The following LEMD1 variants were observed in gnomAD, a reference collection of about 807,000 sequenced individuals.
The protein encoded by LEMD1 is LEM domain containing 1, also known as LEM domain-containing protein 1.
LEMD1 carries 18 observed loss-of-function variants against 17.4 expected under a neutral mutation model. That is an observed-to-expected ratio of 1.04 (90% CI 0.72 to 1.54). LEMD1 has a LOEUF of 1.54. LEMD1 is among the 40% of genes most tolerant of loss of function. The pLI, the probability that LEMD1 is intolerant of heterozygous loss-of-function variation, is 0.00. For missense variants in LEMD1, 195 were observed against 210.4 expected, an observed-to-expected ratio of 0.93 and a Z score of 0.45; for synonymous variants, 88 against 77.8, an observed-to-expected ratio of 1.13 and a Z score of -0.69.
chr1:205,404,111 T>A (rs1350434685), intron 4 of LEMD1, among the ~76,000 whole-genome samples: 1 of 152,186 alleles, frequency 6.6e-6, no homozygotes, highest in African/African-American at 2.4e-5. Context: ...TGAGGAGAGC[T>A]TTACTTCCAG....
At chr1:205,417,832 T>TAAA (rs35330399) in intron 3 of LEMD1, among the ~76,000 whole-genome samples, 1 of 144,016 alleles carries the variant, frequency 6.9e-6, no homozygotes, top group Non-Finnish European at 1.5e-5. Flanking sequence ...TCAGACATGG[T>TAAA]AAAAAAAAAA....
intron 4 of LEMD1, among the ~76,000 whole-genome samples, chr1:205,390,810 T>C (rs1277576280): frequency 6.6e-6 from 1 of 152,142 alleles, no homozygotes; most frequent in Non-Finnish European, 1.5e-5. Flanking sequence ...AATTATGCAA[T>C]CTTACTGAAG....
At chr1:205,443,378 G>A (rs1006372250) in intron 1 of LEMD1, among the ~76,000 whole-genome samples, 3 of 113,618 alleles carry the variant, frequency 2.6e-5, no homozygotes, top group Admixed American at 1.0e-4. Context: ...TAAATGACCC[G>A]TTCCTCCCCA....
At chr1:205,410,938 AGGAAG>A (rs1032429434) in intron 4 of LEMD1, among the ~76,000 whole-genome samples, 2 of 150,820 alleles carry the variant, frequency 1.3e-5, no homozygotes, top group Admixed American at 6.6e-5. Context: ...AGAGAAAGAA[AGGAAG>A]GGAAAGGAAG....
At position 205,414,400 on chromosome 1, in the gene LEMD1, G is replaced by A. The variant is rs537526864; in HGVS notation, c.270+1832C>T. 2.1e-3 allele frequency among the ~76,000 whole-genome samples: 314 copies of A among 150,484 alleles called. 4 individuals are homozygous for A. Among genetic ancestry groups the A allele is most frequent in the East Asian group, 7.3e-3 (37 of 5,040 alleles). On this transcript the variant is annotated intron_variant, in intron 4 of 5. Transcript: ENST00000367153. The stretch of plus-strand genomic sequence containing the variant: ...GAGTTCGAGACCAGCCTGGGCGACA[G>A]CGTGAGACCCCTGTCTCTACAAAAA...
chr1:205,388,290 C>T (rs1664141916), intron 4 of LEMD1, among the ~76,000 whole-genome samples: 1 of 152,072 alleles, frequency 6.6e-6, no homozygotes, highest in Admixed American at 6.6e-5. Context: ...CGCCGCCTCC[C>T]AGGTTCAAGT....
chr1:205,434,504 C>A (rs1268099702), intron 1 of LEMD1, among the ~76,000 whole-genome samples: 1 of 152,028 alleles, frequency 6.6e-6, no homozygotes, highest in Admixed American at 6.6e-5. Context: ...TTAAAAGCAC[C>A]TTTAAGACTA....
rs541744258 is a variant in LEMD1 at position 205,447,720 on chromosome 1, G to A, written c.-39+2148C>T. On this transcript the variant is annotated intron_variant, in intron 1 of 3. Coordinates refer to the LEMD1 transcript ENST00000367154. The stretch of plus-strand genomic sequence containing the variant: ...GCTCCTGGAGATGGTAGCACACCAG[G>A]AGCCAGGGACCCTGGAGTCCAGCCT... Among the ~76,000 whole-genome samples the A allele has an allele frequency of 1.4e-3, 212 of 150,050 alleles. 1 individual carries two copies. Among genetic ancestry groups the A allele is most frequent in the Non-Finnish European group, 2.1e-3 (139 of 67,360 alleles).
At chr1:205,382,346 G>A (rs1449511472) in intron 5 of LEMD1, among the ~76,000 whole-genome samples, 1 of 151,580 alleles carries the variant, frequency 6.6e-6, no homozygotes, top group Non-Finnish European at 1.5e-5. Flanking sequence ...GAGCCGAGGA[G>A]TTTGAGGCTG....
chr1:205,393,032 C>A (rs114799353), intron 4 of LEMD1, among the ~76,000 whole-genome samples: 1 of 152,006 alleles, frequency 6.6e-6, no homozygotes, highest in Non-Finnish European at 1.5e-5. Context: ...CTGCTTGAGC[C>A]CAGGAGTTTG....
intron 1 of LEMD1, among the ~76,000 whole-genome samples, chr1:205,447,725 AGGG>A (rs1181677157): frequency 6.8e-6 from 1 of 147,092 alleles, no homozygotes; most frequent in Non-Finnish European, 1.5e-5. Flanking sequence ...ACCAGGAGCC[AGGG>A]ACCCTGGAGT....
At chr1:205,416,038 G>C (rs1665679115) in intron 4 of LEMD1, among the ~76,000 whole-genome samples, 194 bp downstream of exon 4, 1 of 152,062 alleles carries the variant, frequency 6.6e-6, no homozygotes, top group Non-Finnish European at 1.5e-5. Context: ...CTGTCATTCT[G>C]GGTCCTCTGC....
intron 1 of LEMD1, among the ~76,000 whole-genome samples, chr1:205,447,172 A>C (rs1435792248): frequency 6.6e-6 from 1 of 152,242 alleles, no homozygotes; most frequent in Non-Finnish European, 1.5e-5. Context: ...ACGTGGGTTC[A>C]CGTCCCAGTT....
intron 4 of LEMD1, among the ~76,000 whole-genome samples, chr1:205,399,905 C>CA (rs1181939699): frequency 6.6e-6 from 1 of 152,282 alleles, no homozygotes; most frequent in East Asian, 1.9e-4. Context: ...TAGAAAATCT[C>CA]AATAGGCCAT....
rs767216653 is a variant in LEMD1 at position 205,419,257 on chromosome 1, C to A, written c.178G>T (p.Gly60Ter). 6.2e-7 allele frequency: 1 copy of A among 1,614,226 alleles called. No homozygotes were observed. The change falls in exon 3 of 6, where the codon GGA becomes TGA. Residue 60 changes from glycine (G) to a stop codon, truncating the protein, a stop_gained. Coordinates refer to ENST00000367153, the MANE Select transcript of LEMD1 (RefSeq NM_001199050.2). LOFTEE classifies it high-confidence loss of function. The stretch of plus-strand genomic sequence containing the variant: ...TCGCTGTCATCACTGTCCTGCGCTC[C>A]ATCCAGCTCTCTGGGTCCATTCATC... The part of the protein sequence containing the change: ...PVMNGPRELD[G>*]AQDSDDSEEL...
At chr1:205,447,894 C>T (rs1243979030) in intron 1 of LEMD1, among the ~76,000 whole-genome samples, 1 of 152,216 alleles carries the variant, frequency 6.6e-6, no homozygotes, top group Non-Finnish European at 1.5e-5. Context: ...CCAAGCTGAC[C>T]TCAGAGAAAG....
At chr1:205,391,289 A>G (rs1258944963) in intron 4 of LEMD1, among the ~76,000 whole-genome samples, 1 of 152,078 alleles carries the variant, frequency 6.6e-6, no homozygotes, top group African/African-American at 2.4e-5. Context: ...AGACTCTGGA[A>G]GATATAGAGA....
chr1:205,414,295 T>G, intron 4 of LEMD1, among the ~76,000 whole-genome samples: 1 of 151,528 alleles, frequency 6.6e-6, no homozygotes, highest in African/African-American at 2.4e-5. Flanking sequence ...AAAATAATAA[T>G]ATGGAGGCCG....
chr1:205,449,660 C>A (rs1666461321), intron 1 of LEMD1, among the ~76,000 whole-genome samples: 1 of 152,176 alleles, frequency 6.6e-6, no homozygotes, highest in Non-Finnish European at 1.5e-5. Context: ...CAGGGCCAAA[C>A]AACCAGGCAT....
Sources: allele counts gnomAD v4.1 joint callset (sites outside exome capture counted in the v4.1 genomes callset), GRCh38; gene constraint gnomAD v4.1.1; transcripts MANE v1.5; gene names NCBI Gene and HGNC (gene_info 2026-07-23, HGNC 2026-07-21).